THADA: variants seen among roughly 807,000 people sequenced by gnomAD.
The protein encoded by THADA is tRNA (32-2'-O)-methyltransferase regulator THADA.
In THADA, 213 loss-of-function variants were observed where a neutral mutation model predicts 219.8. The observed-to-expected ratio is 0.97, with a 90% confidence interval of 0.87 to 1.09. THADA has a LOEUF of 1.09. THADA is among the 50% of genes least tolerant of loss of function. The pLI is 0.00. For synonymous variants in THADA, 1,018 were observed against 828.9 expected (o/e 1.23, Z -3.92); for missense variants, 2,956 against 2,311.3 (o/e 1.28, Z -5.72).
chr2:43,244,639 C>A (rs1468774920), intron 36 of THADA, among the ~76,000 whole-genome samples: 1 of 152,228 alleles, frequency 6.6e-6, no homozygotes, highest in Non-Finnish European at 1.5e-5. Context: ...GGGCCCTGTC[C>A]AGCCATTTTG....
intron 36 of THADA, among the ~76,000 whole-genome samples, chr2:43,237,773 G>T (rs1441787625): frequency 6.6e-6 from 1 of 151,954 alleles, no homozygotes; most frequent in African/African-American, 2.4e-5. Flanking sequence ...CTTGAATTAG[G>T]CAACTACTTC....
intron 32 of THADA, 68 bp from the exon 33 acceptor site, chr2:43,292,290 A>C: frequency 1.0e-6 from 1 of 995,064 alleles, no homozygotes; most frequent in Admixed American, 2.9e-5. Context: ...TAGATGTTAC[A>C]TGATAATCAA....
chr2:43,392,623 A>G (rs1391200737), intron 29 of THADA, among the ~76,000 whole-genome samples: 1 of 152,050 alleles, frequency 6.6e-6, no homozygotes, highest in Non-Finnish European at 1.5e-5. Flanking sequence ...CCAGCCCAAC[A>G]CTACTGTTCC....
At chr2:43,516,358 C>A (rs1691722736) in intron 22 of THADA, among the ~76,000 whole-genome samples, 1 of 152,130 alleles carries the variant, frequency 6.6e-6, no homozygotes, top group Non-Finnish European at 1.5e-5. Context: ...CTCACAACTT[C>A]TCTGATCTCA....
chr2:43,584,602 T>C (rs1466473160), intron 7 of THADA, among the ~76,000 whole-genome samples: 1 of 152,146 alleles, frequency 6.6e-6, no homozygotes. Flanking sequence ...AAAAGATAAA[T>C]TCTTAAAGGC....
At chr2:43,273,974 T>A (rs1000762921) in intron 36 of THADA, among the ~76,000 whole-genome samples, 1 of 152,106 alleles carries the variant, frequency 6.6e-6, no homozygotes. Flanking sequence ...AACCTCACAA[T>A]GCCACTTGCC....
intron 25 of THADA, among the ~76,000 whole-genome samples, chr2:43,488,728 T>C (rs1244948367): frequency 3.3e-5 from 5 of 152,340 alleles, no homozygotes; most frequent in Admixed American, 6.5e-5. Context: ...AGAGTAACTC[T>C]ATGTTTAACC....
At chr2:43,321,088 C>T (rs1189379739) in intron 30 of THADA, among the ~76,000 whole-genome samples, 2 of 152,082 alleles carry the variant, frequency 1.3e-5, no homozygotes, top group East Asian at 3.8e-4. Context: ...TTTTTTTCTT[C>T]ATTCAATATA....
chr2:43,530,307 T>C (rs912267423), intron 21 of THADA, among the ~76,000 whole-genome samples: 7 of 152,212 alleles, frequency 4.6e-5, no homozygotes, highest in Admixed American at 1.3e-4. Context: ...TAAGCCTTAT[T>C]TTGTCTTCAA....
At chr2:43,459,111 C>T (rs1173258484) in intron 26 of THADA, among the ~76,000 whole-genome samples, 1 of 152,170 alleles carries the variant, frequency 6.6e-6, no homozygotes, top group Non-Finnish European at 1.5e-5. Flanking sequence ...TAAAGCAAAT[C>T]CTGTTATACC....
intron 26 of THADA, among the ~76,000 whole-genome samples, chr2:43,436,376 A>G (rs1680108580): frequency 6.6e-6 from 1 of 152,184 alleles, no homozygotes; most frequent in Non-Finnish European, 1.5e-5. Flanking sequence ...CTCACCAAGG[A>G]AAATGCTCTG....
chr2:43,530,831 T>C (rs550471395), intron 21 of THADA, among the ~76,000 whole-genome samples: 1 of 152,052 alleles, frequency 6.6e-6, no homozygotes, highest in Non-Finnish European at 1.5e-5. Flanking sequence ...CAGTGGGTGG[T>C]CTTCTCAAGG....
chr2:43,535,994 G>A (rs915152548), intron 21 of THADA, among the ~76,000 whole-genome samples: 1 of 151,950 alleles, frequency 6.6e-6, no homozygotes, highest in Non-Finnish European at 1.5e-5. Context: ...AATAGAGACG[G>A]GGTTTTACCA....
chr2:43,465,559 T>C (rs528235921), intron 26 of THADA, among the ~76,000 whole-genome samples: 7 of 152,122 alleles, frequency 4.6e-5, no homozygotes, highest in Non-Finnish European at 1.0e-4. Flanking sequence ...AACAAAATAC[T>C]CACAGATCTT....
intron 20 of THADA, among the ~76,000 whole-genome samples, chr2:43,543,552 T>G (rs1695602225): frequency 6.6e-6 from 1 of 151,862 alleles, no homozygotes; most frequent in Middle Eastern, 3.4e-3. Flanking sequence ...TCCTGACTTT[T>G]TAATGATTGC....
chr2:43,588,864 A>G (rs1410097553), intron 4 of THADA, among the ~76,000 whole-genome samples: 1 of 152,160 alleles, frequency 6.6e-6, no homozygotes, highest in East Asian at 1.9e-4. Context: ...ATACATAAGA[A>G]TATCACTGCA....
chr2:43,449,731 T>C (rs899744443), intron 26 of THADA, among the ~76,000 whole-genome samples: 3 of 152,148 alleles, frequency 2.0e-5, no homozygotes, highest in Non-Finnish European at 4.4e-5. Flanking sequence ...ATTGCACCAC[T>C]GCACTCCAAG....
At chr2:43,390,070 A>G (rs557339192) in intron 29 of THADA, among the ~76,000 whole-genome samples, 2 of 152,340 alleles carry the variant, frequency 1.3e-5, no homozygotes, top group African/African-American at 2.4e-5. Flanking sequence ...CATTTACTCT[A>G]CATCTCTAAG....
rs1684143045 is a variant in THADA at position 43,465,643 on chromosome 2, T to G, written c.3836+19591A>C. ...ATGTCTGCTGAGGGATCCTCATCCT[T>G]CATACCTCACTTAAATACTGATGCT... On this transcript the variant is annotated intron_variant, in intron 26 of 37. Coordinates refer to ENST00000405975, the MANE Select transcript of THADA (RefSeq NM_022065.5). Among the ~76,000 whole-genome samples, 3 of 152,196 alleles carry G rather than the reference T, an allele frequency of 2.0e-5. No individual in the cohort carries two copies. The South Asian group carries it at 6.2e-4, about 32-fold the overall frequency.
Sources: allele counts gnomAD v4.1 joint callset (sites outside exome capture counted in the v4.1 genomes callset), GRCh38; gene constraint gnomAD v4.1.1; transcripts MANE v1.5; gene names NCBI Gene and HGNC (gene_info 2026-07-23, HGNC 2026-07-21).